Variants in RGPD3 observed in about 807,000 individuals in gnomAD.
RGPD3 encodes ranBP2-like and GRIP domain-containing protein 3.
RGPD3 carries 62 observed loss-of-function variants against 154.5 expected under a neutral mutation model. The ratio of observed to expected loss-of-function variants is 0.40; its 90% confidence interval spans 0.33 to 0.50. The LOEUF (loss-of-function observed/expected upper bound fraction) is 0.50, where lower values mean the gene tolerates loss of function less well. Ranked by LOEUF, RGPD3 falls within the 20% of genes least tolerant of loss-of-function variation. The pLI is 0.59. For missense variants in RGPD3, 919 were observed against 1,716.8 expected (o/e 0.54, Z 8.21); for synonymous variants, 308 against 607.0 (o/e 0.51, Z 7.24).
chr2:106,412,188 G>C (rs1676690580), intron 22 of RGPD3, among the ~76,000 whole-genome samples: 1 of 141,574 alleles, frequency 7.1e-6, no homozygotes, highest in African/African-American at 2.6e-5. Context: ...GATGCAGCTT[G>C]AATTCAGTTA....
intron 4 of RGPD3, among the ~76,000 whole-genome samples, chr2:106,455,068 A>G (rs1678205259): frequency 6.6e-6 from 1 of 152,192 alleles, no homozygotes; most frequent in South Asian, 2.1e-4. Flanking sequence ...TGGGAGGCCA[A>G]AGTGGGTGGA....
intron 22 of RGPD3, among the ~76,000 whole-genome samples, chr2:106,406,979 T>C (rs1249872665): frequency 1.3e-5 from 2 of 151,922 alleles, no homozygotes; most frequent in African/African-American, 4.8e-5. Context: ...ACTTAGTACC[T>C]TAACACATAT....
intron 4 of RGPD3, among the ~76,000 whole-genome samples, chr2:106,455,166 T>C (rs1159580042): frequency 6.6e-6 from 1 of 151,906 alleles, no homozygotes; most frequent in African/African-American, 2.4e-5. Flanking sequence ...AGACTCTGTC[T>C]CAAAAAAATA....
At chr2:106,434,129 A>G in intron 15 of RGPD3, 99 bp downstream of exon 15, 4 of 1,595,460 alleles carry the variant, frequency 2.5e-6, no homozygotes, top group Non-Finnish European at 3.4e-6. Flanking sequence ...ACAACATATT[A>G]CTGAGTATTT....
At chr2:106,446,896 AT>A in intron 7 of RGPD3, among the ~76,000 whole-genome samples, 1 of 149,674 alleles carries the variant, frequency 6.7e-6, no homozygotes, top group East Asian at 2.0e-4. Context: ...AAATAAAAAA[AT>A]AAAAAATAAG....
chr2:106,414,863 T>C (rs1055007969), intron 21 of RGPD3, among the ~76,000 whole-genome samples: 322 of 151,870 alleles, frequency 2.1e-3, no homozygotes, highest in Admixed American at 4.4e-3. Flanking sequence ...ACAGATCTAT[T>C]AGGAGCAGCA....
intron 1 of RGPD3, among the ~76,000 whole-genome samples, chr2:106,468,003 A>C (rs1357753966): frequency 1.5e-5 from 2 of 137,438 alleles, no homozygotes; most frequent in Non-Finnish European, 3.1e-5. Context: ...GCCTCAACAG[A>C]GCGCGCCAGG....
At chr2:106,408,720 T>C (rs1417452026) in intron 22 of RGPD3, among the ~76,000 whole-genome samples, 1 of 152,156 alleles carries the variant, frequency 6.6e-6, no homozygotes, top group Admixed American at 6.5e-5. Flanking sequence ...TTGCCCAGGC[T>C]GAAATGCAGT....
chr2:106,423,725 G>A lies in RGPD3; in HGVS notation c.4242C>T (p.Asp1414=), dbSNP rs1558839054. The A allele has an allele frequency of 6.2e-7, 1 of 1,611,500 alleles. No individual in the cohort carries two copies. The highest frequency in any genetic ancestry group is 2.3e-4 in the Middle Eastern group (1 of 4,430). ...KLCANHRITP[D]MSLQNMKGTE... ...TCCCTTTCATATTTTGCAAACTCAT[G>A]TCTGGAGTTATTCTGTGATTGGCAC... The change falls in exon 20 of 23, where the codon GAC becomes GAT. Residue 1414 remains aspartate (D), a synonymous_variant. Transcript: ENST00000409886.
rs778919455 is a variant in RGPD3, at chr2:106,424,479, T to A, written c.3488A>T (p.Lys1163Ile). 9.3e-6 allele frequency: 15 copies of A among 1,606,902 alleles called. 1 individual carries two copies. In the South Asian group the frequency reaches 1.7e-4, roughly 18 times the overall value. ...TPELAEEFKQ[K>I]FEECQRLLLD... ...CAGAAGCCGCTGGCATTCCTCAAAT[T>A]TCTGCTTGAATTCTTCAGCCAGCTC... The change falls in exon 20 of 23, where the codon AAA becomes ATA. Residue 1163 changes from lysine to isoleucine, a missense_variant. Physicochemically the swap from Lys to Ile is moderately radical, Grantham distance 102. Transcript: ENST00000409886.
chr2:106,466,974 A>C (rs1422558618), intron 1 of RGPD3, among the ~76,000 whole-genome samples: 3 of 111,000 alleles, frequency 2.7e-5, no homozygotes, highest in South Asian at 3.7e-4. Flanking sequence ...AGGCCGCCGC[A>C]GGGCCAGGTC....
At chr2:106,413,513 T>C (rs1676733459) in intron 21 of RGPD3, among the ~76,000 whole-genome samples, 1 of 152,206 alleles carries the variant, frequency 6.6e-6, no homozygotes, top group African/African-American at 2.4e-5. Flanking sequence ...GAACTCCAAC[T>C]ATGAGATAGT....
intron 7 of RGPD3, among the ~76,000 whole-genome samples, chr2:106,442,496 T>TAA (rs1553461268): frequency 1.2e-5 from 1 of 82,378 alleles, no homozygotes; most frequent in Non-Finnish European, 2.5e-5. Flanking sequence ...CAATAACCTA[T>TAA]GAAAAAAAAA....
intron 7 of RGPD3, among the ~76,000 whole-genome samples, chr2:106,446,438 C>T (rs535161033): frequency 4.7e-5 from 7 of 150,324 alleles, no homozygotes; most frequent in South Asian, 4.2e-4. Context: ...GGTGTGGTGG[C>T]GGGTGCCTGT....
intron 6 of RGPD3, among the ~76,000 whole-genome samples, chr2:106,448,348 G>A (rs1176167344): frequency 1.1e-4 from 17 of 152,278 alleles, no homozygotes; most frequent in Middle Eastern, 3.4e-3. Context: ...CTGACCTCAC[G>A]ATCCGCCCGC....
At chr2:106,470,820 A>C (rs1332280948), upstream of RGPD3, 28 of 1,604,062 alleles carry the variant, frequency 1.7e-5, no homozygotes, top group Non-Finnish European at 2.4e-5. Context: ...TGATCCAAGG[A>C]GTTTACTAAG....
intron 12 of RGPD3, 136 bp from the exon 13 acceptor site, chr2:106,435,338 T>G: frequency 6.9e-7 from 1 of 1,458,468 alleles, no homozygotes; most frequent in South Asian, 1.2e-5. Flanking sequence ...TTGTTCAACT[T>G]CCAAATACTG....
rs539603102 is a variant in RGPD3 at position 106,465,075 on chromosome 2, T to G, written c.72+3142A>C. ...AAAGCACAATGGAAGACTAGAAAGA[T>G]ATGATATACAGACGCATCATCACAC... is the stretch of plus-strand genomic sequence containing the variant. On this transcript the variant is annotated intron_variant, in intron 1 of 22. Coordinates refer to ENST00000409886, the MANE Select transcript of RGPD3 (RefSeq NM_001144013.2). Among the ~76,000 whole-genome samples the G allele has an allele frequency of 1.2e-3, 184 of 151,666 alleles. 2 individuals are homozygous for G. The highest frequency in any genetic ancestry group is 4.2e-3 in the African/African-American group (173 of 41,264).
chr2:106,427,147 C>T (rs1283965633), intron 18 of RGPD3, among the ~76,000 whole-genome samples: 2 of 150,416 alleles, frequency 1.3e-5, no homozygotes, highest in Admixed American at 1.3e-4. Context: ...TCTAATAAAT[C>T]TACTAAAAGT....
Sources: gnomAD v4.1 joint callset for allele counts (sites outside exome capture counted in the v4.1 genomes callset) on GRCh38, gnomAD v4.1.1 for gene constraint, MANE v1.5 for transcripts, NCBI Gene and HGNC (gene_info 2026-07-23, HGNC 2026-07-21) for gene names.